PARVB: variants seen among roughly 807,000 people sequenced by gnomAD.
PARVB encodes beta-parvin.
In PARVB, 46 loss-of-function variants were observed where a neutral mutation model predicts 47.0. The ratio of observed to expected loss-of-function variants is 0.98; its 90% CI spans 0.77 to 1.25. The LOEUF (loss-of-function observed/expected upper bound fraction) is 1.25, where lower values mean the gene tolerates loss of function less well. Ranked by LOEUF, PARVB falls within the 50% of genes most tolerant of loss-of-function variation. The pLI is 0.00. For synonymous variants in PARVB, 196 were observed against 196.3 expected (o/e 1.00, Z 0.01); for missense variants, 473 against 471.6 (o/e 1.00, Z -0.03).
chr22:44,017,156 T>TGA (rs1415525769), intron 2 of PARVB, among the ~76,000 whole-genome samples: 70 of 152,310 alleles, frequency 4.6e-4, no homozygotes, highest in African/African-American at 1.6e-3. Context: ...ATTACAAGTG[T>TGA]GAGCCACCGT....
upstream of PARVB, among the ~76,000 whole-genome samples, chr22:44,020,786 C>CT (rs35736968): frequency 1.4e-3 from 198 of 145,656 alleles, no homozygotes; most frequent in East Asian, 2.8e-3. Flanking sequence ...TCTGTCCTTT[C>CT]TTTTTTTTTT....
intron 2 of PARVB, among the ~76,000 whole-genome samples, chr22:44,018,174 G>T (rs1345617733): frequency 6.6e-6 from 1 of 152,126 alleles, no homozygotes; most frequent in Non-Finnish European, 1.5e-5. Flanking sequence ...GGCTGAGGCG[G>T]GTGGATCACC....
intron 2 of PARVB, among the ~76,000 whole-genome samples, chr22:44,001,612 C>T (rs1002106325): frequency 2.6e-5 from 4 of 152,148 alleles, no homozygotes; most frequent in African/African-American, 4.8e-5. Context: ...GAAGTGGGAC[C>T]ATTAGAAGTT....
chr22:44,029,986 T>C (rs1271103540), intron 1 of PARVB, among the ~76,000 whole-genome samples: 1 of 152,186 alleles, frequency 6.6e-6, no homozygotes, highest in African/African-American at 2.4e-5. Flanking sequence ...TTAAGTTTCT[T>C]TGTGGACTTT....
chr22:44,147,965 G>T (rs779930191), intron 9 of PARVB, 43 bp downstream of exon 9: 3 of 1,542,866 alleles, frequency 1.9e-6, no homozygotes, highest in Admixed American at 1.7e-5. Flanking sequence ...CCCCTGGCTC[G>T]CGGCTTTTTG....
chr22:44,119,766 C>T (rs758970127), intron 4 of PARVB: 1 of 532,032 alleles, frequency 1.9e-6, no homozygotes. Flanking sequence ...TCTGAAAAGA[C>T]AAATATTTTT....
chr22:44,076,422 T>A (rs1241993141), intron 1 of PARVB, among the ~76,000 whole-genome samples: 2 of 152,176 alleles, frequency 1.3e-5, no homozygotes, highest in Non-Finnish European at 1.5e-5. Context: ...AAATCCGTTC[T>A]CCTCTCTGAT....
chr22:44,092,980 C>G (rs1326532194), intron 1 of PARVB, among the ~76,000 whole-genome samples: 1 of 152,238 alleles, frequency 6.6e-6, no homozygotes, highest in Admixed American at 6.5e-5. Context: ...GCCTGGGTAC[C>G]TTTGCAGCAT....
At chr22:44,001,110 C>T (rs1006119412) in intron 2 of PARVB, among the ~76,000 whole-genome samples, 3 of 152,082 alleles carry the variant, frequency 2.0e-5, no homozygotes, top group African/African-American at 4.8e-5. Context: ...ATTAGCTGGG[C>T]GTGGTGGTGG....
chr22:44,117,313 A>C (rs2052930586), intron 3 of PARVB, among the ~76,000 whole-genome samples: 1 of 150,600 alleles, frequency 6.6e-6, no homozygotes, highest in African/African-American at 2.4e-5. Flanking sequence ...GTCAGGGAGG[A>C]TCCCCCAAAG....
At chr22:44,064,648 G>T (rs2051484223) in intron 1 of PARVB, among the ~76,000 whole-genome samples, 1 of 152,154 alleles carries the variant, frequency 6.6e-6, no homozygotes, top group Non-Finnish European at 1.5e-5. Context: ...AGACCACCCT[G>T]GGCAACAAAG....
intron 11 of PARVB, among the ~76,000 whole-genome samples, chr22:44,159,731 T>G (rs2054011936): frequency 6.6e-6 from 1 of 152,184 alleles, no homozygotes; most frequent in Non-Finnish European, 1.5e-5. Context: ...GTAGTCTTCG[T>G]GAATCCTGGA....
chr22:44,016,073 G>GTCTTTT (rs1174159213), intron 2 of PARVB, among the ~76,000 whole-genome samples: 1 of 149,248 alleles, frequency 6.7e-6, no homozygotes, highest in Non-Finnish European at 1.5e-5. Flanking sequence ...GCTCTTCTCT[G>GTCTTTT]TCTTTTTCTT....
chr22:44,019,875 T>C (rs1006944585), upstream of PARVB, among the ~76,000 whole-genome samples: 20 of 152,208 alleles, frequency 1.3e-4, no homozygotes, highest in African/African-American at 4.8e-4. Context: ...ATCCAATACA[T>C]AGCACTCCCA....
intron 2 of PARVB, among the ~76,000 whole-genome samples, chr22:44,095,060 G>A (rs980546714): frequency 6.9e-6 from 1 of 145,852 alleles, no homozygotes; most frequent in Non-Finnish European, 1.6e-5. Context: ...GAAAGAGGTG[G>A]CTGGGGACTC....
upstream of PARVB, among the ~76,000 whole-genome samples, chr22:44,020,416 C>A (rs190940081): frequency 1.3e-5 from 2 of 152,300 alleles, no homozygotes; most frequent in African/African-American, 4.8e-5. Context: ...TCAAGTGATT[C>A]TCTGGCCTCA....
intron 12 of PARVB, among the ~76,000 whole-genome samples, chr22:44,166,744 G>A (rs963447955): frequency 4.6e-5 from 7 of 152,378 alleles, no homozygotes; most frequent in East Asian, 3.9e-4. Context: ...GGGCCAAGCC[G>A]CAGAGATTTA....
chr22:44,169,371 G>A lies in PARVB; in HGVS notation c.*693G>A, dbSNP rs1010077865. ...GCTCCCACAGTCCTTGAAAGGAGCT[G>A]TCTGCTGGGGACGTTTCTTAATTTC... On this transcript the variant is annotated 3_prime_UTR_variant, in exon 13 of 13. Coordinates refer to ENST00000338758, the MANE Select transcript of PARVB (RefSeq NM_013327.5). The A allele has an allele frequency of 6.7e-6, 1 of 150,290 alleles. No homozygotes were observed. Among genetic ancestry groups the A allele is most frequent in the African/African-American group, 2.5e-5 (1 of 39,596 alleles). The allele number at this position is 150,290 out of a possible 1,614,324, so 9.3% of individuals were successfully genotyped here.
At chr22:44,070,295 A>T (rs2051626110) in intron 1 of PARVB, among the ~76,000 whole-genome samples, 1 of 152,152 alleles carries the variant, frequency 6.6e-6, no homozygotes, top group South Asian at 2.1e-4. Context: ...TCTCAACCTC[A>T]GCTTGAAGGC....
Sources: gnomAD v4.1 joint callset for allele counts (sites outside exome capture counted in the v4.1 genomes callset) on GRCh38, gnomAD v4.1.1 for gene constraint, MANE v1.5 for transcripts, NCBI Gene and HGNC (gene_info 2026-07-23, HGNC 2026-07-21) for gene names.